Variants in GGA2 observed in about 807,000 individuals in gnomAD.
GGA2 encodes the protein golgi associated, gamma adaptin ear containing, ARF binding protein 2, also known as ADP-ribosylation factor-binding protein GGA2.
A neutral mutation model predicts 79.5 loss-of-function variants in GGA2; 48 were observed. That is an observed-to-expected ratio of 0.60 (90% CI 0.48 to 0.77). The LOEUF is 0.77. Ranked by LOEUF, GGA2 falls within the 30% of genes least tolerant of loss-of-function variation. GGA2 has a pLI of 0.00. For synonymous variants in GGA2, 317 were observed against 302.0 expected (o/e 1.05, Z -0.51); for missense variants, 770 against 774.0 (o/e 0.99, Z 0.06).
intron 15 of GGA2, chr16:23,469,437 A>C: frequency 6.0e-6 from 1 of 168,020 alleles, no homozygotes; most frequent in East Asian, 1.5e-4. Flanking sequence ...GTCTGTCTCG[A>C]ATCTTTTCCT....
At chr16:23,522,817 T>C (rs374070013), upstream of GGA2, 2 of 152,330 alleles carry the variant, frequency 1.3e-5, no homozygotes, top group South Asian at 2.1e-4. Context: ...GGGTCTCCCA[T>C]AGAGGTCACA....
chr16:23,518,719 TA>T (rs11322665), intron 2 of GGA2, among the ~76,000 whole-genome samples: 127,136 of 152,146 alleles, frequency 0.84, 53,265 homozygotes, highest in Middle Eastern at 0.9. Flanking sequence ...TGGTAACTGT[TA>T]AGAGTCTGGC....
chr16:23,488,774 G>C lies in GGA2; in HGVS notation c.476-65C>G, dbSNP rs554375768. ...ACCCAGAAACTTCAGTCAGAATCCA[G>C]TATAAAGTCTGGAAACCCCTGGTTC... is the stretch of plus-strand genomic sequence containing the variant. On this transcript the variant is annotated intron_variant, in intron 5 of 16. Transcript: ENST00000309859. The C allele has an allele frequency of 5.4e-6, 5 of 921,164 alleles. No homozygotes were observed. The African/African-American group carries it at 6.6e-5, about 12-fold the overall frequency. 57.1% of individuals were successfully genotyped at this position (921,164 alleles called of 1,614,324 possible).
At chr16:23,507,323 GA>G (rs1258942994) in intron 1 of GGA2, among the ~76,000 whole-genome samples, 1 of 152,110 alleles carries the variant, frequency 6.6e-6, no homozygotes, top group Admixed American at 6.6e-5. Context: ...TATATGCCAT[GA>G]AAAAAACCAT....
At chr16:23,493,832 C>G (rs1415901557) in intron 3 of GGA2, 1 of 301,646 alleles carries the variant, frequency 3.3e-6, no homozygotes, top group African/African-American at 2.2e-5. Flanking sequence ...CACTGGCACT[C>G]AAGAGGCAAG....
chr16:23,497,814 G>A (rs911304948), intron 1 of GGA2, among the ~76,000 whole-genome samples: 1 of 152,138 alleles, frequency 6.6e-6, no homozygotes, highest in African/African-American at 2.4e-5. Flanking sequence ...TGGACTCGCT[G>A]AGCCTCAGTT....
Position 23,488,636 on chromosome 16 carries a change from G to A in GGA2, c.549C>T (p.Ser183=), listed in dbSNP as rs754875432. Residue 183 remains serine (S), a synonymous_variant, in exon 6 of 17, where the codon TCC becomes TCT. Coordinates refer to ENST00000309859, the MANE Select transcript of GGA2 (RefSeq NM_015044.4). ...LPPPSPWPKS[S]IFDADEEKSK... Reference sequence around the variant, plus strand: ...ACTTTTCTTCATCAGCATCAAAGATGGAGCTCTTGGGCCAGGGAGATGGTG... The same window carrying A: ...ACTTTTCTTCATCAGCATCAAAGATAGAGCTCTTGGGCCAGGGAGATGGTG... 1.1e-5 allele frequency: 17 copies of A among 1,608,084 alleles called. No individual in the cohort carries two copies. The highest frequency in any genetic ancestry group is 1.7e-4 in the Middle Eastern group (1 of 6,056).
At chr16:23,524,159 G>A, upstream of GGA2, 2 of 598,852 alleles carry the variant, frequency 3.3e-6, no homozygotes, top group Non-Finnish European at 6.0e-6. Flanking sequence ...CCAGAGTCCA[G>A]GAGGTTAGAT....
At chr16:23,521,758 G>A (rs769231013) in intron 1 of GGA2, 2 of 449,542 alleles carry the variant, frequency 4.4e-6, no homozygotes, top group South Asian at 1.6e-5. Flanking sequence ...AATCGACTTA[G>A]TATTTTGACC....
At chr16:23,491,572 T>A (rs2142131496) in intron 5 of GGA2, 105 bp downstream of exon 5, 2 of 855,814 alleles carry the variant, frequency 2.3e-6, no homozygotes, top group Non-Finnish European at 3.7e-6. Context: ...TCTATGGTCC[T>A]ACATAAGAAG....
chr16:23,521,660 A>G (rs1221944153), intron 1 of GGA2: 2 of 445,232 alleles, frequency 4.5e-6, no homozygotes, highest in Non-Finnish European at 9.1e-6. Context: ...TTTGCCTCAC[A>G]AAGCATTAGG....
rs529642007 is a variant in GGA2 at position 23,479,696 on chromosome 16, G to A, written c.1129+69C>T. ...CCTCAGCAGCAGGCATGTGCTCCGC[G>A]AAGGGAACCAGCTCACTCCCCTACT... On this transcript the variant is annotated intron_variant, in intron 11 of 16. Transcript: ENST00000309859. 1.2e-5 allele frequency: 19 copies of A among 1,563,444 alleles called. No homozygotes were observed. In the East Asian group the frequency reaches 2.5e-4, roughly 21 times the overall value.
intron 15 of GGA2, 72 bp downstream of exon 15, chr16:23,469,924 G>T (rs78289271): frequency 0.075 from 84,726 of 1,131,286 alleles, 3,724 homozygotes; most frequent in Non-Finnish European, 0.089. Context: ...CACTCGACAG[G>T]TAAGTCCCAG....
chr16:23,520,657 T>TAAAA (rs77857333), intron 1 of GGA2, among the ~76,000 whole-genome samples: 1 of 131,950 alleles, frequency 7.6e-6, no homozygotes, highest in African/African-American at 2.8e-5. Flanking sequence ...AACATCCTCT[T>TAAAA]AAAAAAAAAA....
At chr16:23,514,031 T>C (rs1349034384), upstream of GGA2, among the ~76,000 whole-genome samples, 1 of 152,116 alleles carries the variant, frequency 6.6e-6, no homozygotes, top group East Asian at 1.9e-4. Context: ...CTGTTGGTCA[T>C]CAAACCTAAA....
intron 13 of GGA2, 44 bp from the exon 14 acceptor site, chr16:23,475,105 C>A: frequency 7.8e-7 from 1 of 1,287,870 alleles, no homozygotes; most frequent in Non-Finnish European, 1.1e-6. Flanking sequence ...AAAATTGTAG[C>A]GATTTCCTGG....
rs1567364599 is a variant in GGA2, at chr16:23,488,676, T to A, written c.509A>T (p.Asp170Val). The A allele has an allele frequency of 7.5e-6, 12 of 1,607,438 alleles. No homozygotes were observed. Among genetic ancestry groups the A allele is most frequent in the Non-Finnish European group, 8.5e-6 (10 of 1,174,084 alleles). ...IIKQDPKLPVDKILPPPSPWP... is the reference protein window; with the variant it reads ...IIKQDPKLPVVKILPPPSPWP... ...GGGAGATGGTGGGGGTAAGATTTTA[T>A]CCACTGGTAGTTTAGGGTCTTGTTT... Residue 170 changes from aspartate to valine, a missense_variant, in exon 6 of 17, where the codon GAT becomes GTT. Asp to Val is a radical substitution (Grantham distance 152). Coordinates refer to ENST00000309859, the MANE Select transcript of GGA2 (RefSeq NM_015044.4).
chr16:23,486,759 G>C lies in GGA2; in HGVS notation c.611C>G (p.Pro204Arg), dbSNP rs763638499. 1.7e-5 allele frequency: 27 copies of C among 1,612,140 alleles called. No individual in the cohort carries two copies. Among genetic ancestry groups the C allele is most frequent in the South Asian group, 2.2e-5 (2 of 91,038 alleles). ...CCGGTTTGCAGCCTGAAGGTCCTCG[G>C]GGTGGTTGCTCTTTAGAAGCCTTGT... ...LLTRLLKSNH[P>R]EDLQAANRLI... Residue 204 changes from proline (P) to arginine (R), a missense_variant, in exon 7 of 17, where the codon CCC (proline) becomes CGC (arginine). Physicochemically the swap from Pro to Arg is moderately radical, Grantham distance 103 (BLOSUM62 -2). Coordinates refer to ENST00000309859, the MANE Select transcript of GGA2 (RefSeq NM_015044.4).
intron 7 of GGA2, 25 bp from the exon 8 acceptor site, chr16:23,486,177 G>C (rs763305922): frequency 6.2e-7 from 1 of 1,611,788 alleles, no homozygotes; most frequent in South Asian, 1.1e-5. Context: ...AGGAGGATGG[G>C]AGTGAGGGAG....
Sources: allele counts gnomAD v4.1 joint callset (sites outside exome capture counted in the v4.1 genomes callset), GRCh38; gene constraint gnomAD v4.1.1; transcripts MANE v1.5; gene names NCBI Gene and HGNC (gene_info 2026-07-23, HGNC 2026-07-21).